The following CCL5 variants were observed in gnomAD, a reference collection of about 807,000 sequenced individuals.
CCL5 encodes C-C motif chemokine ligand 5, also known as C-C motif chemokine 5.
A neutral mutation model predicts 9.0 loss-of-function variants in CCL5; 5 were observed. The ratio of observed to expected loss-of-function variants is 0.55; its 90% confidence interval spans 0.29 to 1.16. The LOEUF is 1.16. Ranked by LOEUF, CCL5 falls within the 50% of genes most tolerant of loss-of-function variation. The pLI is 0.08. For missense variants in CCL5, 183 were observed against 183.2 expected, an observed-to-expected ratio of 1.00 and a Z score of 0.01; for synonymous variants, 66 against 72.0, an observed-to-expected ratio of 0.92 and a Z score of 0.42.
At chr17:35,877,053 T>C (rs974221834) in intron 2 of CCL5, among the ~76,000 whole-genome samples, 9 of 152,230 alleles carry the variant, frequency 5.9e-5, no homozygotes, top group Non-Finnish European at 1.2e-4. Flanking sequence ...CTGCCAATAG[T>C]ATGTGCTCAG....
At chr17:35,873,238 A>G (rs1363449563) in intron 3 of CCL5, among the ~76,000 whole-genome samples, 1 of 136,508 alleles carries the variant, frequency 7.3e-6, no homozygotes, top group East Asian at 2.2e-4. Flanking sequence ...CCCAGGCTGG[A>G]GTGCAGTGGC....
intron 2 of CCL5, among the ~76,000 whole-genome samples, chr17:35,877,985 G>A (rs933953662): frequency 1.2e-4 from 19 of 152,066 alleles, no homozygotes; most frequent in Non-Finnish European, 2.6e-4. Context: ...GGCCACACTA[G>A]TAAAGATTGG....
rs761483805 is a variant in CCL5, at chr17:35,872,454, G to A, written c.281C>T (p.Pro94Leu). ...TTGGCACACACTTGGCGGTTCTTTC[G>A]GGTGACAAAGCTGTGGGAGAGGAGA... The change falls in exon 4 of 4, where the codon CCG becomes CTG. Residue 94 changes from proline (P) to leucine (L), a missense_variant. Coordinates refer to ENST00000651122, the MANE Select transcript of CCL5 (RefSeq NM_001278736.2). 1.6e-5 allele frequency: 26 copies of A among 1,613,856 alleles called. No individual in the cohort carries two copies. The highest frequency in any genetic ancestry group is 1.3e-4 in the Admixed American group (8 of 59,974).
rs1341001314 is a variant in CCL5, at chr17:35,871,903, G to C, written c.*367C>G. 1 of 149,054 alleles carries C rather than the reference G, an allele frequency of 6.7e-6. No individual in the cohort carries two copies. The highest frequency in any genetic ancestry group is 2.1e-4 in the South Asian group (1 of 4,656). The allele number at this position is 149,054 out of a possible 1,614,324, so 9.2% of individuals were successfully genotyped here. On this transcript the variant is annotated 3_prime_UTR_variant, in exon 4 of 4. Coordinates refer to ENST00000651122, the MANE Select transcript of CCL5 (RefSeq NM_001278736.2). ...ATTACAGGCGTGGGCCACCACGCCC[G>C]GCTAATTTTTGTATTTTTTTTTTTT...
intron 2 of CCL5, among the ~76,000 whole-genome samples, chr17:35,876,240 C>G (rs939455168): frequency 6.6e-5 from 10 of 152,162 alleles, no homozygotes; most frequent in African/African-American, 2.4e-4. Context: ...CCAGTACTCA[C>G]CAAGGCAGGC....
chr17:35,873,652 A>G (rs765436507), intron 3 of CCL5, among the ~76,000 whole-genome samples: 1 of 152,238 alleles, frequency 6.6e-6, no homozygotes, highest in Non-Finnish European at 1.5e-5. Context: ...AATCACTTAA[A>G]GCCTCTGCTT....
intron 3 of CCL5, among the ~76,000 whole-genome samples, chr17:35,873,016 A>G (rs1252609630): frequency 6.6e-6 from 1 of 151,642 alleles, no homozygotes; most frequent in Non-Finnish European, 1.5e-5. Flanking sequence ...TAGTCTCCCA[A>G]GTAGTTGAGA....
At chr17:35,878,177 G>A (rs1480485945) in intron 2 of CCL5, among the ~76,000 whole-genome samples, 3 of 151,430 alleles carry the variant, frequency 2.0e-5, no homozygotes, top group African/African-American at 7.3e-5. Flanking sequence ...CAGCTACTCG[G>A]GAGGCTGAGG....
At chr17:35,874,858 C>T (rs558282864) in intron 3 of CCL5, among the ~76,000 whole-genome samples, 4 of 152,066 alleles carry the variant, frequency 2.6e-5, no homozygotes, top group Non-Finnish European at 2.9e-5. Context: ...GATGACCACC[C>T]GCCTCAGCCT....
intron 2 of CCL5, 144 bp downstream of exon 2, chr17:35,878,384 C>A: frequency 2.2e-6 from 1 of 445,562 alleles, no homozygotes; most frequent in Non-Finnish European, 4.3e-6. Context: ...AGTCTTTTTA[C>A]ATGATAGCAG....
At chr17:35,874,050 C>G (rs890986547) in intron 3 of CCL5, among the ~76,000 whole-genome samples, 3 of 152,166 alleles carry the variant, frequency 2.0e-5, no homozygotes, top group Non-Finnish European at 4.4e-5. Flanking sequence ...GAAACTGATT[C>G]TACCTGTGCG....
chr17:35,879,195 TC>T (rs2088481407), intron 1 of CCL5, among the ~76,000 whole-genome samples: 1 of 152,176 alleles, frequency 6.6e-6, no homozygotes, highest in Admixed American at 6.5e-5. Flanking sequence ...GTTTTTATTT[TC>T]CCAGCAAGAT....
chr17:35,873,438 T>C (rs987478354), intron 3 of CCL5, among the ~76,000 whole-genome samples: 9 of 152,068 alleles, frequency 5.9e-5, no homozygotes, highest in Middle Eastern at 3.2e-3. Flanking sequence ...TCACCCACCT[T>C]GGCCTCCCAA....
rs114660928 is a variant in CCL5, at chr17:35,876,247, A to T, written c.189-605T>A. On this transcript the variant is annotated intron_variant, in intron 2 of 3. Coordinates refer to ENST00000651122, the MANE Select transcript of CCL5 (RefSeq NM_001278736.2). The stretch of plus-strand genomic sequence containing the variant: ...CTCTAGAGCCAGTACTCACCAAGGC[A>T]GGCTGCATTGCCTTTTTAAAATTGG... Among the ~76,000 whole-genome samples the T allele has an allele frequency of 2.2e-3, 333 of 152,298 alleles. 3 individuals are homozygous for T. Among genetic ancestry groups the T allele is most frequent in the African/African-American group, 7.2e-3 (300 of 41,562 alleles).
rs1470246929 is a variant in CCL5, at chr17:35,872,427, G to C, written c.308C>G (p.Pro103Arg). ...TACTCCCGAACCCATTTCTTCTCTG[G>C]GTTGGCACACACTTGGCGGTTCTTT... The change falls in exon 4 of 4, where the codon CCC becomes CGC. Residue 103 changes from proline (P) to arginine (R), a missense_variant. Physicochemically the swap from Pro to Arg is moderately radical, Grantham distance 103. Coordinates refer to ENST00000651122, the MANE Select transcript of CCL5 (RefSeq NM_001278736.2). The C allele has an allele frequency of 1.7e-5, 27 of 1,613,874 alleles. No individual in the cohort carries two copies. The highest frequency in any genetic ancestry group is 2.3e-5 in the Non-Finnish European group (27 of 1,180,026).
chr17:35,873,076 G>A (rs1365500025), intron 3 of CCL5, among the ~76,000 whole-genome samples: 1 of 151,998 alleles, frequency 6.6e-6, no homozygotes, highest in Non-Finnish European at 1.5e-5. Flanking sequence ...TTTTAGTAAA[G>A]ATGGGGTTTT....
chr17:35,880,084 T>C, intron 1 of CCL5, 146 bp downstream of exon 1: 1 of 698,822 alleles, frequency 1.4e-6, no homozygotes, highest in Non-Finnish European at 2.6e-6. Context: ...GGTAAGACAA[T>C]TCATAAGAAT....
intron 1 of CCL5, 87 bp from the exon 2 acceptor site, chr17:35,878,726 TAGAA>T: frequency 3.9e-6 from 3 of 762,818 alleles, no homozygotes; most frequent in South Asian, 1.8e-5. Flanking sequence ...ATGATTTATT[TAGAA>T]AGAACTGTTA....
Position 35,872,279 on chromosome 17 carries a change from G to A in CCL5, c.456C>T (p.Pro152=), listed in dbSNP as rs758094681. 53 of 1,568,540 alleles carry A rather than the reference G, an allele frequency of 3.4e-5. No homozygotes were observed. The highest frequency in any genetic ancestry group is 4.1e-5 in the African/African-American group (3 of 73,686). ...GTAGAATCTGGGCCCTTCAAGGAGC[G>A]GGTGGGGTAGGATAGTGAGGGGAAG... Residue 152 remains proline (P), a synonymous_variant, in exon 4 of 4, where the codon CCC becomes CCT. Coordinates refer to ENST00000651122, the MANE Select transcript of CCL5 (RefSeq NM_001278736.2).
Sources: gnomAD v4.1 joint callset for allele counts (sites outside exome capture counted in the v4.1 genomes callset) on GRCh38, gnomAD v4.1.1 for gene constraint, MANE v1.5 for transcripts, NCBI Gene and HGNC (gene_info 2026-07-23, HGNC 2026-07-21) for gene names.